Variants in APIP observed in about 807,000 individuals in gnomAD.
The protein encoded by APIP is APAF1 interacting protein.
A neutral mutation model predicts 32.0 loss-of-function variants in APIP; 32 were observed. The observed-to-expected ratio is 1.00, with a 90% CI of 0.76 to 1.34. The LOEUF is 1.34. Ranked by LOEUF, APIP falls within the 40% of genes most tolerant of loss-of-function variation. The pLI is 0.00. For missense variants in APIP, 247 were observed against 298.6 expected, an observed-to-expected ratio of 0.83 and a Z score of 1.27; for synonymous variants, 92 against 94.8, an observed-to-expected ratio of 0.97 and a Z score of 0.17.
intron 3 of APIP, among the ~76,000 whole-genome samples, chr11:34,890,213 A>C (rs963213992): frequency 1.3e-5 from 2 of 152,126 alleles, no homozygotes; most frequent in Non-Finnish European, 2.9e-5. Context: ...AGCCTGATAA[A>C]GATCGTAGTG....
chr11:34,890,364 T>C, intron 3 of APIP, 140 bp downstream of exon 3: 1 of 780,976 alleles, frequency 1.3e-6, no homozygotes, highest in Admixed American at 3.2e-5. Context: ...AAACATTTAA[T>C]AATTACTCAA....
intron 1 of APIP, among the ~76,000 whole-genome samples, chr11:34,907,078 A>T (rs1158731610): frequency 6.6e-6 from 1 of 152,152 alleles, no homozygotes; most frequent in Non-Finnish European, 1.5e-5. Flanking sequence ...GGAAGTAGCC[A>T]GAAAGAGTTC....
Position 34,888,787 on chromosome 11 carries a change from CA to C in APIP, c.289del (p.Cys97ValfsTer6), listed in dbSNP as rs1327289065. On this transcript the variant is annotated frameshift_variant, in exon 4 of 7. Coordinates refer to ENST00000395787, the MANE Select transcript of APIP (RefSeq NM_015957.4). LOFTEE classifies it high-confidence loss of function. ...SPSKKLKKSQ[C>X]TPLFMNAYTM... ...GTAAGCATTCATGAAAAGAGGAGTA[CA>C]CTGGCTTTTTTTTAGCTTCTTCGAT... is the stretch of plus-strand genomic sequence containing the variant. The C allele has an allele frequency of 1.3e-6, 2 of 1,520,818 alleles. No homozygotes were observed. Among genetic ancestry groups the C allele is most frequent in the South Asian group, 2.7e-5 (2 of 72,990 alleles). The allele number at this position is 1,520,818 out of a possible 1,614,324, so 94.2% of individuals were successfully genotyped here. A position where few individuals can be genotyped will look rare whatever the true frequency, so the allele number is the denominator to read the frequency against.
chr11:34,915,235 G>C (rs1170584274), intron 1 of APIP, among the ~76,000 whole-genome samples: 1 of 152,106 alleles, frequency 6.6e-6, no homozygotes, highest in Non-Finnish European at 1.5e-5. Context: ...GCCCAGGAAC[G>C]ATCTCCAGTT....
At position 34,890,487 on chromosome 11, in the gene APIP, G is replaced by T; in HGVS notation, c.207+17C>A. 1 of 1,601,202 alleles carries T rather than the reference G, an allele frequency of 6.2e-7. No homozygotes were observed. The highest frequency in any genetic ancestry group is 8.5e-7 in the Non-Finnish European group (1 of 1,174,432). ...AAGAAGAAAAGACACTGAGGTTAAA[G>T]AATCCCATTACCATACCTGAATTCG... On this transcript the variant is annotated intron_variant, in intron 3 of 6. Transcript: ENST00000395787.
intron 5 of APIP, among the ~76,000 whole-genome samples, chr11:34,886,257 C>T (rs2985395): frequency 0.6 from 90,991 of 151,330 alleles, 28,372 homozygotes; most frequent in East Asian, 0.75. Flanking sequence ...ATTGATGACC[C>T]TGACCCTGTG....
At chr11:34,904,874 A>G (rs550978167) in intron 1 of APIP, among the ~76,000 whole-genome samples, 2 of 152,364 alleles carry the variant, frequency 1.3e-5, no homozygotes, top group East Asian at 3.9e-4. Context: ...AATATAAAGA[A>G]AGAGGAGATC....
At chr11:34,915,815 C>T (rs935667280) in intron 1 of APIP, 5 of 236,176 alleles carry the variant, frequency 2.1e-5, no homozygotes, top group Non-Finnish European at 8.2e-6. Context: ...TGCCAAACGT[C>T]CCCCCAAACG....
intron 1 of APIP, among the ~76,000 whole-genome samples, chr11:34,904,028 T>C (rs1402965554): frequency 3.3e-5 from 5 of 152,248 alleles, no homozygotes; most frequent in African/African-American, 1.2e-4. Flanking sequence ...CCCCTGAAAA[T>C]GTGACTCCTT....
At chr11:34,908,229 GAAC>G (rs780701326) in intron 1 of APIP, among the ~76,000 whole-genome samples, 10 of 152,180 alleles carry the variant, frequency 6.6e-5, no homozygotes, top group Non-Finnish European at 1.3e-4. Context: ...GCATTTCCAT[GAAC>G]AACAATCACC....
intron 1 of APIP, among the ~76,000 whole-genome samples, chr11:34,915,399 T>C (rs1378183529): frequency 6.6e-6 from 1 of 152,244 alleles, no homozygotes; most frequent in African/African-American, 2.4e-5. Flanking sequence ...CGCGAGTTAC[T>C]ACTTTTTAAT....
intron 5 of APIP, 134 bp from the exon 6 acceptor site, chr11:34,883,638 G>T: frequency 1.2e-6 from 1 of 803,188 alleles, no homozygotes. Flanking sequence ...TTATGAACAG[G>T]ATGTTGCGTG....
At chr11:34,887,632 A>C (rs78626067) in intron 5 of APIP, among the ~76,000 whole-genome samples, 1,547 of 152,316 alleles carry the variant, frequency 0.01, 33 homozygotes, top group African/African-American at 0.034. Flanking sequence ...TAGGAAATTA[A>C]GAGTGAAGGT....
At chr11:34,889,630 C>A (rs544177136) in intron 3 of APIP, among the ~76,000 whole-genome samples, 2 of 152,066 alleles carry the variant, frequency 1.3e-5, no homozygotes, top group Non-Finnish European at 2.9e-5. Flanking sequence ...TCCTCACTTT[C>A]CTCCCACCCT....
intron 2 of APIP, among the ~76,000 whole-genome samples, chr11:34,894,134 T>C (rs1036107759): frequency 2.4e-4 from 36 of 152,194 alleles, no homozygotes; most frequent in Non-Finnish European, 4.6e-4. Context: ...ACTTACTTTA[T>C]TTCTTCATCT....
At chr11:34,906,336 G>A (rs889529284) in intron 1 of APIP, among the ~76,000 whole-genome samples, 3 of 152,144 alleles carry the variant, frequency 2.0e-5, no homozygotes, top group African/African-American at 7.2e-5. Flanking sequence ...ACACTATCTT[G>A]AATACACCAG....
intron 1 of APIP, among the ~76,000 whole-genome samples, chr11:34,901,274 C>A (rs1853365504): frequency 6.6e-6 from 1 of 152,078 alleles, no homozygotes; most frequent in African/African-American, 2.4e-5. Flanking sequence ...GGTAGCAAGA[C>A]AAAGCCACCT....
At chr11:34,896,406 G>A (rs563047650) in intron 1 of APIP, among the ~76,000 whole-genome samples, 2 of 152,204 alleles carry the variant, frequency 1.3e-5, no homozygotes, top group African/African-American at 4.8e-5. Flanking sequence ...AAAAGGATGA[G>A]CTCACGTCCT....
intron 5 of APIP, 21 bp downstream of exon 5, chr11:34,888,272 A>T: frequency 6.7e-7 from 1 of 1,495,254 alleles, no homozygotes; most frequent in Non-Finnish European, 8.9e-7. Context: ...AAATTATTTA[A>T]GAAAAAGGAA....
Sources: gnomAD v4.1 joint callset for allele counts (sites outside exome capture counted in the v4.1 genomes callset) on GRCh38, gnomAD v4.1.1 for gene constraint, MANE v1.5 for transcripts, NCBI Gene and HGNC (gene_info 2026-07-23, HGNC 2026-07-21) for gene names.